Variants in SNTG1 observed in about 807,000 individuals in gnomAD.
SNTG1 encodes gamma-1-syntrophin.
In SNTG1, 39 loss-of-function variants were observed where a neutral mutation model predicts 74.7. The observed-to-expected ratio is 0.52, with a 90% confidence interval of 0.40 to 0.68. The LOEUF is 0.68. Ranked by LOEUF, SNTG1 falls within the 30% of genes least tolerant of loss-of-function variation. The pLI is 0.00. For synonymous variants in SNTG1, 254 were observed against 217.1 expected (o/e 1.17, Z -1.49); for missense variants, 685 against 609.5 (o/e 1.12, Z -1.30).
intron 2 of SNTG1, among the ~76,000 whole-genome samples, chr8:50,193,881 G>C (rs888687564): frequency 5.3e-5 from 8 of 152,108 alleles, no homozygotes; most frequent in African/African-American, 1.9e-4. Flanking sequence ...TAATCATAAA[G>C]AGATGCTGGA....
intron 2 of SNTG1, among the ~76,000 whole-genome samples, chr8:50,385,852 C>G (rs1486706969): frequency 6.6e-6 from 1 of 152,180 alleles, no homozygotes; most frequent in Non-Finnish European, 1.5e-5. Context: ...CACCACCTGG[C>G]TAAGCTTGTG....
intron 8 of SNTG1, among the ~76,000 whole-genome samples, chr8:50,453,828 T>TG (rs149741100): frequency 0.026 from 3,986 of 152,176 alleles, 163 homozygotes; most frequent in African/African-American, 0.09. Flanking sequence ...TGATGGGCCC[T>TG]GGGGGGTCAC....
chr8:50,097,529 G>A (rs530943219), intron 1 of SNTG1, among the ~76,000 whole-genome samples: 68 of 152,152 alleles, frequency 4.5e-4, no homozygotes, highest in African/African-American at 1.6e-3. Context: ...GCGGGCGCCT[G>A]TAGTCCCAGC....
chr8:50,701,814 C>T lies in SNTG1; in HGVS notation c.1039-2786C>T, dbSNP rs867482374. Among the ~76,000 whole-genome samples, 663 of 147,306 alleles carry T rather than the reference C, an allele frequency of 4.5e-3. 5 individuals are homozygous for T. Among genetic ancestry groups the T allele is most frequent in the African/African-American group, 0.016 (633 of 39,404 alleles). Reference sequence around the variant, plus strand: ...TCCTCCTCCTCCTCTTCTTCTTCTTCTTCTTCTCCTCCTCCTCCTCCTCCT... The same window carrying T: ...TCCTCCTCCTCCTCTTCTTCTTCTTTTTCTTCTCCTCCTCCTCCTCCTCCT... On this transcript the variant is annotated intron_variant, in intron 15 of 18. Coordinates refer to ENST00000642720, the MANE Select transcript of SNTG1 (RefSeq NM_018967.5).
intron 15 of SNTG1, among the ~76,000 whole-genome samples, chr8:50,682,298 A>G (rs1216792692): frequency 6.6e-6 from 1 of 152,050 alleles, no homozygotes; most frequent in Non-Finnish European, 1.5e-5. Flanking sequence ...GCTATTTTAA[A>G]GAGAGCAGGG....
intron 1 of SNTG1, among the ~76,000 whole-genome samples, chr8:50,155,400 A>G (rs1256270965): frequency 1.3e-5 from 2 of 152,194 alleles, no homozygotes; most frequent in African/African-American, 4.8e-5. Context: ...TCAACAATTC[A>G]AAAATTAGCT....
intron 1 of SNTG1, among the ~76,000 whole-genome samples, chr8:50,077,111 C>T (rs1586168018): frequency 6.6e-6 from 1 of 152,198 alleles, no homozygotes; most frequent in African/African-American, 2.4e-5. Flanking sequence ...TGTAGATTGA[C>T]AGACTGCAAA....
At chr8:50,155,017 T>C (rs1389201294) in intron 1 of SNTG1, among the ~76,000 whole-genome samples, 1 of 152,236 alleles carries the variant, frequency 6.6e-6, no homozygotes, top group Non-Finnish European at 1.5e-5. Context: ...ACAACTTTTT[T>C]CTATGAAATT....
intron 1 of SNTG1, among the ~76,000 whole-genome samples, chr8:50,004,756 C>A (rs1272248651): frequency 6.6e-6 from 1 of 152,166 alleles, no homozygotes; most frequent in Non-Finnish European, 1.5e-5. Context: ...GAAATAACTT[C>A]CAGAAGAAAT....
chr8:50,280,848 A>G (rs2088399901), intron 2 of SNTG1, among the ~76,000 whole-genome samples: 1 of 152,034 alleles, frequency 6.6e-6, no homozygotes. Flanking sequence ...TTGCTAATCC[A>G]TTCAGGATAA....
At chr8:50,391,938 T>C (rs1216984228) in intron 2 of SNTG1, among the ~76,000 whole-genome samples, 1 of 152,158 alleles carries the variant, frequency 6.6e-6, no homozygotes, top group Non-Finnish European at 1.5e-5. Context: ...CTTACCAGCA[T>C]GCTTCAACAC....
chr8:50,548,860 A>G (rs2094406433), intron 11 of SNTG1, among the ~76,000 whole-genome samples: 1 of 152,202 alleles, frequency 6.6e-6, no homozygotes, highest in African/African-American at 2.4e-5. Flanking sequence ...CGGATTCTTC[A>G]GTTGTTAAGA....
chr8:50,219,100 T>TG, intron 2 of SNTG1, among the ~76,000 whole-genome samples: 1 of 152,292 alleles, frequency 6.6e-6, no homozygotes, highest in South Asian at 2.1e-4. Context: ...AATGAGACAG[T>TG]GGGGAAACTT....
chr8:50,435,394 C>A (rs945889334), intron 4 of SNTG1, among the ~76,000 whole-genome samples: 1 of 152,152 alleles, frequency 6.6e-6, no homozygotes, highest in African/African-American at 2.4e-5. Context: ...GATGTGTTAA[C>A]TAAATATACT....
Position 50,123,537 on chromosome 8 carries a change from GT to G in SNTG1, c.-102-49017del, listed in dbSNP as rs1039091692. 5.6e-5 allele frequency among the ~76,000 whole-genome samples: 8 copies of G among 142,312 alleles called. No individual in the cohort carries two copies. The East Asian group carries it at 1.0e-3, about 18-fold the overall frequency. 93.4% of individuals were successfully genotyped at this position (142,312 alleles called of 152,430 possible). ...TTTACATTAAGAAAGCAAGAGTATG[GT>G]TTTTTTCTTATATGCATTATAAAAG... On this transcript the variant is annotated intron_variant, in intron 1 of 18. Coordinates refer to ENST00000642720, the MANE Select transcript of SNTG1 (RefSeq NM_018967.5).
chr8:49,974,004 G>A (rs1811961166), intron 1 of SNTG1, among the ~76,000 whole-genome samples: 1 of 152,118 alleles, frequency 6.6e-6, no homozygotes, highest in East Asian at 1.9e-4. Flanking sequence ...TCGTTAGAAT[G>A]TTAGGCTGTT....
chr8:49,956,385 T>C (rs1810161150), intron 1 of SNTG1, among the ~76,000 whole-genome samples: 1 of 152,196 alleles, frequency 6.6e-6, no homozygotes, highest in Non-Finnish European at 1.5e-5. Context: ...AATCTTCAAC[T>C]TTATTTTGCT....
chr8:50,316,563 T>C (rs747509979), intron 2 of SNTG1, among the ~76,000 whole-genome samples: 7 of 152,184 alleles, frequency 4.6e-5, no homozygotes, highest in Non-Finnish European at 7.4e-5. Flanking sequence ...AAAGAAATTT[T>C]AAAATAATTT....
chr8:50,253,460 C>A (rs2086733972), intron 2 of SNTG1, among the ~76,000 whole-genome samples: 1 of 148,924 alleles, frequency 6.7e-6, no homozygotes, highest in African/African-American at 2.4e-5. Context: ...AAAGGTAGAG[C>A]TACCATATGA....
Sources: gnomAD v4.1 joint callset for allele counts (sites outside exome capture counted in the v4.1 genomes callset) on GRCh38, gnomAD v4.1.1 for gene constraint, MANE v1.5 for transcripts, NCBI Gene and HGNC (gene_info 2026-07-23, HGNC 2026-07-21) for gene names.